The following C2CD5 variants were observed in gnomAD, a reference collection of about 807,000 sequenced individuals.
C2CD5 encodes the protein C2 calcium dependent domain containing 5, also known as C2 domain-containing protein 5.
Under a neutral mutation model 130.3 loss-of-function variants are expected in C2CD5, and 109 were observed. That is an observed-to-expected ratio of 0.84 (90% CI 0.72 to 0.98). The LOEUF (loss-of-function observed/expected upper bound fraction) is 0.98, where lower values mean the gene tolerates loss of function less well. Ranked by LOEUF, C2CD5 falls within the 50% of genes least tolerant of loss-of-function variation. The pLI is 0.00. For missense variants in C2CD5, 996 were observed against 1,261.8 expected (o/e 0.79, Z 3.19); for synonymous variants, 454 against 429.2 (o/e 1.06, Z -0.71).
chr12:22,532,638 T>A (rs545800034), intron 3 of C2CD5, among the ~76,000 whole-genome samples: 21 of 152,298 alleles, frequency 1.4e-4, no homozygotes, highest in Admixed American at 4.6e-4. Flanking sequence ...GGTCCTAATA[T>A]AAACCATAAG....
At chr12:22,539,992 CAAA>C (rs59902224) in intron 2 of C2CD5, among the ~76,000 whole-genome samples, 2 of 90,782 alleles carry the variant, frequency 2.2e-5, no homozygotes. Context: ...AGCTCCGTCT[CAAA>C]AAAAAAAAAA....
Position 22,512,784 on chromosome 12 carries a change from C to T in C2CD5, c.1038+510G>A, listed in dbSNP as rs1949333510. 4.3e-6 allele frequency: 3 copies of T among 702,546 alleles called. No homozygotes were observed. The Admixed American group carries it at 9.5e-5, about 22-fold the overall frequency. 43.5% of individuals were successfully genotyped at this position (702,546 alleles called of 1,614,324 possible). A position where few individuals can be genotyped will look rare whatever the true frequency, so the allele number is the denominator to read the frequency against. On this transcript the variant is annotated intron_variant, in intron 9 of 26. Transcript: ENST00000446597. Reference sequence around the variant, plus strand: ...TGAACAAATATAGCTAAATCTCAAACTTACAATAACTGAAATAGATGCATT... The same window carrying T: ...TGAACAAATATAGCTAAATCTCAAATTTACAATAACTGAAATAGATGCATT...
intron 7 of C2CD5, among the ~76,000 whole-genome samples, chr12:22,520,048 A>G (rs1391705669): frequency 6.6e-6 from 1 of 152,180 alleles, no homozygotes; most frequent in Non-Finnish European, 1.5e-5. Flanking sequence ...TTATACAAGT[A>G]TATATTGATA....
At chr12:22,455,779 G>A (rs927778869) in intron 25 of C2CD5, among the ~76,000 whole-genome samples, 2 of 152,096 alleles carry the variant, frequency 1.3e-5, no homozygotes, top group African/African-American at 4.8e-5. Flanking sequence ...CCACCTCTCA[G>A]GTTCAAGCAA....
chr12:22,448,900 A>G lies in C2CD5; in HGVS notation c.*860T>C, dbSNP rs1190307239. 1 of 152,560 alleles carries G rather than the reference A, an allele frequency of 6.6e-6. No individual in the cohort carries two copies. Among genetic ancestry groups the G allele is most frequent in the African/African-American group, 2.4e-5 (1 of 41,438 alleles). The allele number at this position is 152,560 out of a possible 1,614,324, so 9.5% of individuals were successfully genotyped here. ...TAACTCACCATCAACAATCCCTCAG[A>G]TATTACTAAAATCCTGTTTATTTGG... is the stretch of plus-strand genomic sequence containing the variant. On this transcript the variant is annotated 3_prime_UTR_variant, in exon 27 of 27. Coordinates refer to ENST00000446597, the MANE Select transcript of C2CD5 (RefSeq NM_001286176.2).
intron 12 of C2CD5, among the ~76,000 whole-genome samples, chr12:22,486,762 G>T (rs1489981496): frequency 6.6e-6 from 1 of 152,146 alleles, no homozygotes; most frequent in Non-Finnish European, 1.5e-5. Flanking sequence ...TGCCGAGAAT[G>T]TTGGTAGAAC....
intron 7 of C2CD5, among the ~76,000 whole-genome samples, chr12:22,521,089 C>G (rs1950228532): frequency 6.6e-6 from 1 of 151,938 alleles, no homozygotes; most frequent in African/African-American, 2.4e-5. Context: ...TAATCTAAAC[C>G]ACCTTTTATC....
intron 2 of C2CD5, among the ~76,000 whole-genome samples, chr12:22,536,224 T>C (rs1277531517): frequency 3.3e-5 from 5 of 151,738 alleles, no homozygotes; most frequent in Non-Finnish European, 2.9e-5. Flanking sequence ...ATACAAGAAA[T>C]AGTAACAATG....
intron 2 of C2CD5, among the ~76,000 whole-genome samples, chr12:22,543,491 A>G (rs117753329): frequency 0.029 from 4,493 of 152,322 alleles, 108 homozygotes; most frequent in Admixed American, 0.044. Context: ...AATGTTAGGC[A>G]TGAGAGTGGA....
intron 3 of C2CD5, among the ~76,000 whole-genome samples, chr12:22,532,868 T>C (rs1951435062): frequency 3.3e-5 from 5 of 152,194 alleles, no homozygotes; most frequent in African/African-American, 1.2e-4. Flanking sequence ...GCAGCCACAA[T>C]GCTGCCCAAT....
At chr12:22,472,901 G>A (rs1943267227) in intron 16 of C2CD5, 94 bp from the exon 17 acceptor site, 2 of 741,220 alleles carry the variant, frequency 2.7e-6, no homozygotes, top group African/African-American at 3.6e-5. Flanking sequence ...AAAAGGCAGA[G>A]TCATTTTTCC....
intron 5 of C2CD5, 63 bp from the exon 6 acceptor site, chr12:22,524,690 T>A: frequency 7.9e-7 from 1 of 1,260,638 alleles, no homozygotes; most frequent in Non-Finnish European, 1.1e-6. Flanking sequence ...TTAAAAAATG[T>A]ACATCTCAAT....
chr12:22,487,027 T>C (rs1945631062), intron 12 of C2CD5, among the ~76,000 whole-genome samples: 1 of 152,150 alleles, frequency 6.6e-6, no homozygotes, highest in African/African-American at 2.4e-5. Flanking sequence ...ATTGGATCCC[T>C]TCCTTACACC....
At chr12:22,494,736 T>A (rs1946793133) in intron 10 of C2CD5, among the ~76,000 whole-genome samples, 1 of 152,054 alleles carries the variant, frequency 6.6e-6, no homozygotes, top group Non-Finnish European at 1.5e-5. Flanking sequence ...TAGAAAAGAC[T>A]ACAATATGGT....
chr12:22,468,894 T>C (rs1386872453), intron 22 of C2CD5, among the ~76,000 whole-genome samples: 4 of 152,156 alleles, frequency 2.6e-5, no homozygotes, highest in Non-Finnish European at 5.9e-5. Flanking sequence ...CAAGTAGGAA[T>C]CATAAAATAA....
At chr12:22,459,449 T>A in intron 23 of C2CD5, 43 bp downstream of exon 23, 1 of 1,320,628 alleles carries the variant, frequency 7.6e-7, no homozygotes, top group East Asian at 2.5e-5. Flanking sequence ...CAAACTAGAA[T>A]TTTACACCTT....
chr12:22,540,177 G>A (rs1206552816), intron 2 of C2CD5, among the ~76,000 whole-genome samples: 1 of 152,178 alleles, frequency 6.6e-6, no homozygotes, highest in Non-Finnish European at 1.5e-5. Flanking sequence ...CAATGGCAAT[G>A]AAGATCTGAG....
rs1334451588 is a variant in C2CD5, at chr12:22,449,596, G to A, written c.*164C>T. 3.4e-6 allele frequency: 2 copies of A among 590,242 alleles called. No individual in the cohort carries two copies. Among genetic ancestry groups the A allele is most frequent in the Non-Finnish European group, 5.8e-6 (2 of 346,692 alleles). The allele number at this position is 590,242 out of a possible 1,614,324, so 36.6% of individuals were successfully genotyped here. On this transcript the variant is annotated 3_prime_UTR_variant, in exon 27 of 27. Coordinates refer to ENST00000446597, the MANE Select transcript of C2CD5 (RefSeq NM_001286176.2). ...CTAGAACAGGCAAACAAAATGTCAA[G>A]ATTAGAAAATTCTCATGCCTCCAAA...
At chr12:22,450,211 A>G (rs1302696719) in intron 26 of C2CD5, among the ~76,000 whole-genome samples, 1 of 152,144 alleles carries the variant, frequency 6.6e-6, no homozygotes, top group Non-Finnish European at 1.5e-5. Flanking sequence ...TAACAAAGAC[A>G]TGGGACAAGA....
Sources: gnomAD v4.1 joint callset for allele counts (sites outside exome capture counted in the v4.1 genomes callset) on GRCh38, gnomAD v4.1.1 for gene constraint, MANE v1.5 for transcripts, NCBI Gene and HGNC (gene_info 2026-07-23, HGNC 2026-07-21) for gene names.